Variants in PLEKHG4B observed in about 807,000 individuals in gnomAD.
PLEKHG4B encodes pleckstrin homology domain-containing family G member 4B.
In PLEKHG4B, 111 loss-of-function variants were observed where a neutral mutation model predicts 121.3. The observed-to-expected ratio is 0.92, with a 90% CI of 0.78 to 1.07. The LOEUF (loss-of-function observed/expected upper bound fraction) is 1.07. Ranked by LOEUF, PLEKHG4B falls within the 50% of genes least tolerant of loss-of-function variation. The pLI is 0.00. For missense variants in PLEKHG4B, 1,831 were observed against 1,757.8 expected (o/e 1.04, Z -0.74); for synonymous variants, 738 against 725.0 (o/e 1.02, Z -0.29).
intron 1 of PLEKHG4B, among the ~76,000 whole-genome samples, chr5:101,811 A>G (rs1733825199): frequency 8.0e-6 from 1 of 125,734 alleles, no homozygotes; most frequent in South Asian, 2.4e-4. Flanking sequence ...TAATCCATAT[A>G]AAGCCCTGGA....
Position 163,543 on chromosome 5 carries a change from G to A in PLEKHG4B, c.3471G>A (p.Val1157=). The change falls in exon 13 of 20, where the codon GTG becomes GTA. Residue 1157 remains valine (V), a synonymous_variant. Transcript: ENST00000637938. ...HPAEEDGRQQ[V]GSSRLRHIMA... Reference sequence around the variant, plus strand: ...CTGAGGAGGATGGGAGGCAGCAGGTGGGCAGGTGAGGTGGACGTCCCCCTC... The same window carrying A: ...CTGAGGAGGATGGGAGGCAGCAGGTAGGCAGGTGAGGTGGACGTCCCCCTC... 1 of 1,588,184 alleles carries A rather than the reference G, an allele frequency of 6.3e-7. No individual in the cohort carries two copies. The highest frequency in any genetic ancestry group is 8.6e-7 in the Non-Finnish European group (1 of 1,167,016).
At position 171,027 on chromosome 5, in the gene PLEKHG4B, G is replaced by A. The variant is rs2126454370; in HGVS notation, c.3730-16G>A. ...CTGTCACTCCCACAGCCAAGCAGTC[G>A]CCTCTGCTTTTCCAGGAAGAGCAGT... On this transcript the variant is annotated splice_polypyrimidine_tract_variant and intron_variant, in intron 14 of 19. Coordinates refer to ENST00000637938, the MANE Select transcript of PLEKHG4B (RefSeq NM_052909.5). 5 of 1,600,578 alleles carry A rather than the reference G, an allele frequency of 3.1e-6. No homozygotes were observed. Among genetic ancestry groups the A allele is most frequent in the South Asian group, 2.2e-5 (2 of 89,212 alleles).
chr5:158,178 C>T (rs1421299138), intron 11 of PLEKHG4B, among the ~76,000 whole-genome samples: 2 of 151,442 alleles, frequency 1.3e-5, no homozygotes, highest in African/African-American at 2.4e-5. Flanking sequence ...TCTGCTCTAT[C>T]CTGGCTCCAT....
At position 139,071 on chromosome 5, in the gene PLEKHG4B, C is replaced by T. The variant is rs446806; in HGVS notation, c.244-412C>T. Among the ~76,000 whole-genome samples the T allele has an allele frequency of 9.2e-5, 14 of 152,152 alleles. No homozygotes were observed. The highest frequency in any genetic ancestry group is 2.9e-4 in the African/African-American group (12 of 41,448). On this transcript the variant is annotated intron_variant, in intron 2 of 19. Transcript: ENST00000637938. This position sits in a 1 kb window ranked among gnomAD's most constrained non-coding sequence, Gnocchi z 5.0. ...AGCACCGGGAGTGCAGAGGAGGGAGCCCCCCATAGGGTGGCCCTGACCAGG... is the reference window on the plus strand; with the variant it reads ...AGCACCGGGAGTGCAGAGGAGGGAGTCCCCCATAGGGTGGCCCTGACCAGG...
chr5:106,610 T>G (rs1447443986), intron 1 of PLEKHG4B, among the ~76,000 whole-genome samples: 1 of 152,164 alleles, frequency 6.6e-6, no homozygotes, highest in Non-Finnish European at 1.5e-5. Flanking sequence ...AAATTTCAGT[T>G]AGAGGTTTTT....
chr5:107,899 G>T (rs1343560763), intron 1 of PLEKHG4B, among the ~76,000 whole-genome samples: 1 of 152,196 alleles, frequency 6.6e-6, no homozygotes, highest in Non-Finnish European at 1.5e-5. Context: ...TGCCAGGTTT[G>T]TATACCTGGG....
chr5:154,424 C>G (rs1394064619), intron 7 of PLEKHG4B, among the ~76,000 whole-genome samples: 4 of 152,146 alleles, frequency 2.6e-5, no homozygotes, highest in Non-Finnish European at 5.9e-5. Context: ...GACGGAGCCA[C>G]TGTGGGAACT....
chr5:146,805 C>T (rs978150864), intron 6 of PLEKHG4B, among the ~76,000 whole-genome samples: 1 of 151,044 alleles, frequency 6.6e-6, no homozygotes, highest in African/African-American at 2.4e-5. Context: ...CACTTTCCCC[C>T]TTGCATCGAG....
chr5:109,961 A>C (rs1734088705), intron 1 of PLEKHG4B, among the ~76,000 whole-genome samples: 2 of 151,970 alleles, frequency 1.3e-5, no homozygotes, highest in Admixed American at 1.3e-4. Context: ...AATCTGCAAC[A>C]CGTGCACACA....
intron 2 of PLEKHG4B, among the ~76,000 whole-genome samples, chr5:138,301 G>A (rs1270167492): frequency 2.6e-5 from 4 of 152,090 alleles, no homozygotes; most frequent in Admixed American, 6.5e-5. Context: ...TGATAGTTCC[G>A]TTTTATGCCT....
intron 13 of PLEKHG4B, among the ~76,000 whole-genome samples, chr5:168,623 A>T (rs531035101): frequency 1.3e-5 from 2 of 152,188 alleles, no homozygotes; most frequent in Admixed American, 6.5e-5. Flanking sequence ...TTATGTTCAG[A>T]GTTTCAGTTA....
intron 18 of PLEKHG4B, among the ~76,000 whole-genome samples, chr5:175,116 C>G (rs147445326): frequency 6.6e-6 from 1 of 152,104 alleles, no homozygotes; most frequent in Non-Finnish European, 1.5e-5. Flanking sequence ...GAGAGTCCCC[C>G]GCAGGTCTGG....
Position 174,004 on chromosome 5 carries a change from C to G in PLEKHG4B, c.4308C>G (p.Asp1436Glu). The change falls in exon 18 of 20, where the codon GAC becomes GAG. Residue 1436 changes from aspartate (D) to glutamate (E), a missense_variant. Asp to Glu is a conservative substitution (Grantham distance 45, BLOSUM62 2). Transcript: ENST00000637938. ...TTCGCAGGCGGCGGAAATCTCAGGA[C>G]ACCTACATTCTCCAAGCAAGCTCGG... is the stretch of plus-strand genomic sequence containing the variant. ...IWFRRRRKSQ[D>E]TYILQASSAE... 6.2e-7 allele frequency: 1 copy of G among 1,610,806 alleles called. No individual in the cohort carries two copies. Among genetic ancestry groups the G allele is most frequent in the Non-Finnish European group, 8.5e-7 (1 of 1,178,920 alleles).
rs532570161 is a variant in PLEKHG4B, at chr5:168,085, G to A, written c.3477-1255G>A. On this transcript the variant is annotated intron_variant, in intron 13 of 19. Coordinates refer to ENST00000637938, the MANE Select transcript of PLEKHG4B (RefSeq NM_052909.5). The stretch of plus-strand genomic sequence containing the variant: ...GGGTCCTGCCCTGCCCTGGGGATAC[G>A]GAGGTAGTGAGACTTCGGGCAGCCA... Among the ~76,000 whole-genome samples, 7 of 152,262 alleles carry A rather than the reference G, an allele frequency of 4.6e-5. No homozygotes were observed. In the South Asian group the frequency reaches 6.2e-4, roughly 14 times the overall value.
rs1491449829 is a variant in PLEKHG4B at position 183,999 on chromosome 5, A to AGATC, written c.*1679_*1680insCGAT. On this transcript the variant is annotated 3_prime_UTR_variant, in exon 20 of 20. Transcript: ENST00000637938. ...TAGATAGATAGATAGATCGATAGAT[A>AGATC]GATAGATAGATAGATAGATAGATAG... The AGATC allele has an allele frequency of 4.6e-5, 6 of 131,510 alleles. No individual in the cohort carries two copies. Among genetic ancestry groups the AGATC allele is most frequent in the Non-Finnish European group, 8.0e-5 (5 of 62,632 alleles). The allele number at this position is 131,510 out of a possible 1,614,324, so 8.1% of individuals were successfully genotyped here.
At chr5:181,253 T>C (rs1237848156) in intron 18 of PLEKHG4B, among the ~76,000 whole-genome samples, 2 of 152,130 alleles carry the variant, frequency 1.3e-5, no homozygotes, top group Admixed American at 6.5e-5. Context: ...CACCCCCAGG[T>C]TGGACACGCC....
chr5:162,849 C>CAG lies in PLEKHG4B; in HGVS notation c.2778_2779dup (p.Val927GlufsTer3). 2 of 1,515,126 alleles carry CAG rather than the reference C, an allele frequency of 1.3e-6. No homozygotes were observed. The highest frequency in any genetic ancestry group is 1.8e-6 in the Non-Finnish European group (2 of 1,131,354). 93.9% of individuals were successfully genotyped at this position (1,515,126 alleles called of 1,614,324 possible). A position where few individuals can be genotyped will look rare whatever the true frequency, so the allele number is the denominator to read the frequency against. On this transcript the variant is annotated frameshift_variant, in exon 13 of 20. Coordinates refer to ENST00000637938, the MANE Select transcript of PLEKHG4B (RefSeq NM_052909.5). LOFTEE classifies it high-confidence loss of function. ...GAGGCCTTCCCCGGGGCAGGTGTGG[C>CAG]AGTGCTGAAGCCTCATGCCCTGGGG...
intron 5 of PLEKHG4B, chr5:144,116 G>T (rs1161811776): frequency 6.5e-6 from 1 of 154,170 alleles, no homozygotes; most frequent in African/African-American, 2.4e-5. Context: ...GTAGTGAGAA[G>T]GGGGAAAGAA....
chr5:161,713 C>T, intron 11 of PLEKHG4B, 70 bp from the exon 12 acceptor site: 1 of 1,606,950 alleles, frequency 6.2e-7, no homozygotes, highest in Non-Finnish European at 8.5e-7. Context: ...ACACGCAGAC[C>T]CAGCCCACAC....
Sources: gnomAD v4.1 joint callset for allele counts (sites outside exome capture counted in the v4.1 genomes callset) on GRCh38, gnomAD v4.1.1 for gene constraint, Gnocchi (gnomAD v3.1) non-coding constraint, MANE v1.5 for transcripts, NCBI Gene and HGNC (gene_info 2026-07-23, HGNC 2026-07-21) for gene names.